Variants in PDLIM5 observed in about 807,000 individuals in gnomAD.
PDLIM5 encodes the protein PDZ and LIM domain protein 5.
A neutral mutation model predicts 64.2 loss-of-function variants in PDLIM5; 34 were observed. The observed-to-expected ratio is 0.53, with a 90% CI of 0.40 to 0.71. The LOEUF (loss-of-function observed/expected upper bound fraction) is 0.71, where lower values mean the gene tolerates loss of function less well. Ranked by LOEUF, PDLIM5 falls within the 30% of genes least tolerant of loss-of-function variation. The pLI is 0.00. For missense variants in PDLIM5, 683 were observed against 733.6 expected (o/e 0.93, Z 0.80); for synonymous variants, 253 against 269.1 (o/e 0.94, Z 0.59).
intron 7 of PDLIM5, among the ~76,000 whole-genome samples, chr4:94,596,649 GTT>G (rs1267915925): frequency 6.6e-6 from 1 of 151,632 alleles, no homozygotes; most frequent in Non-Finnish European, 1.5e-5. Flanking sequence ...TGCTATTCTA[GTT>G]TATGTATTTC....
chr4:94,540,042 T>A (rs1396775321), intron 3 of PDLIM5, among the ~76,000 whole-genome samples: 2 of 151,986 alleles, frequency 1.3e-5, no homozygotes, highest in Non-Finnish European at 2.9e-5. Flanking sequence ...ATAGAGCAGG[T>A]AATGTGTGTC....
chr4:94,481,329 C>G (rs531837385), intron 2 of PDLIM5, among the ~76,000 whole-genome samples: 1 of 144,652 alleles, frequency 6.9e-6, no homozygotes, highest in East Asian at 2.1e-4. Context: ...CTTGCTCTGT[C>G]GCTAGGCTGG....
intron 6 of PDLIM5, among the ~76,000 whole-genome samples, chr4:94,586,093 C>T (rs369638467): frequency 2.0e-5 from 3 of 152,012 alleles, no homozygotes; most frequent in African/African-American, 4.8e-5. Context: ...TCATTTGAAC[C>T]GGGGAGGCAG....
chr4:94,521,600 G>A (rs926833836), intron 2 of PDLIM5, among the ~76,000 whole-genome samples: 7 of 150,906 alleles, frequency 4.6e-5, no homozygotes, highest in Non-Finnish European at 1.0e-4. Flanking sequence ...TGAGATGATA[G>A]CCTCTCAAGA....
At chr4:94,637,486 G>A (rs535213688) in intron 8 of PDLIM5, among the ~76,000 whole-genome samples, 1 of 152,318 alleles carries the variant, frequency 6.6e-6, no homozygotes, top group Admixed American at 6.5e-5. Flanking sequence ...TTGAACCCTG[G>A]AGGTGGAGGT....
chr4:94,610,265 C>T (rs1260535629), intron 7 of PDLIM5: 15 of 1,516,890 alleles, frequency 9.9e-6, no homozygotes, highest in African/African-American at 2.8e-5. Context: ...CTGAGCAGCG[C>T]AGCTGCTACT....
chr4:94,588,576 TAAATA>T (rs1479708317), intron 7 of PDLIM5, among the ~76,000 whole-genome samples: 2 of 148,642 alleles, frequency 1.3e-5, no homozygotes, highest in East Asian at 4.0e-4. Context: ...AATAAATAAA[TAAATA>T]AATAAATAAA....
chr4:94,527,853 A>G (rs139679185), intron 3 of PDLIM5, among the ~76,000 whole-genome samples: 293 of 152,326 alleles, frequency 1.9e-3, no homozygotes, highest in Non-Finnish European at 3.4e-3. Context: ...GAAGAGGGCT[A>G]GGAGGTAGCT....
chr4:94,663,998 A>G lies in PDLIM5; in HGVS notation c.1722A>G (p.Glu574=). 1 of 1,605,394 alleles carries G rather than the reference A, an allele frequency of 6.2e-7. No homozygotes were observed. The highest frequency in any genetic ancestry group is 8.5e-7 in the Non-Finnish European group (1 of 1,173,828). The change falls in exon 13 of 13, where the codon GAA becomes GAG. Residue 574 remains glutamate (E), a synonymous_variant. Coordinates refer to ENST00000317968, the MANE Select transcript of PDLIM5 (RefSeq NM_006457.5). Reference sequence around the variant, plus strand: ...TTCAGGTGTGTTGTGAAAGTTTGGAAGGTCAGACCTTTTTCTCCAAGAAGG... The same window carrying G: ...TTCAGGTGTGTTGTGAAAGTTTGGAGGGTCAGACCTTTTTCTCCAAGAAGG... ...FVCSVCCESL[E]GQTFFSKKDK...
intron 2 of PDLIM5, among the ~76,000 whole-genome samples, chr4:94,474,766 C>G (rs1725177884): frequency 6.6e-6 from 1 of 152,202 alleles, no homozygotes; most frequent in African/African-American, 2.4e-5. Flanking sequence ...TCTCCCACCT[C>G]AGCCTCCCAG....
chr4:94,526,756 G>C, intron 3 of PDLIM5, among the ~76,000 whole-genome samples: 1 of 143,232 alleles, frequency 7.0e-6, no homozygotes, highest in African/African-American at 2.7e-5. Context: ...TTTTGAGACT[G>C]AATCTCGCTC....
chr4:94,480,638 T>TTC (rs1385837094), intron 2 of PDLIM5, among the ~76,000 whole-genome samples: 2 of 152,130 alleles, frequency 1.3e-5, no homozygotes, highest in Non-Finnish European at 2.9e-5. Context: ...TTAGGGAAGA[T>TTC]ACAGAAAGGG....
intron 8 of PDLIM5, among the ~76,000 whole-genome samples, chr4:94,633,414 ATT>A (rs374247357): frequency 6.6e-6 from 1 of 152,200 alleles, no homozygotes; most frequent in Non-Finnish European, 1.5e-5. Flanking sequence ...TATTATTTTT[ATT>A]TTTCTAAATG....
chr4:94,468,241 C>G (rs1724548047), intron 2 of PDLIM5, among the ~76,000 whole-genome samples: 1 of 152,106 alleles, frequency 6.6e-6, no homozygotes, highest in African/African-American at 2.4e-5. Flanking sequence ...CAGCCTTGAA[C>G]TCCTGGTCTC....
intron 2 of PDLIM5, among the ~76,000 whole-genome samples, chr4:94,516,622 C>G (rs1359250343): frequency 6.6e-6 from 1 of 152,098 alleles, no homozygotes; most frequent in Non-Finnish European, 1.5e-5. Flanking sequence ...CTCCTGGGCT[C>G]AGGTCGTCCT....
intron 2 of PDLIM5, among the ~76,000 whole-genome samples, chr4:94,476,326 T>C (rs1286254686): frequency 1.3e-5 from 2 of 152,160 alleles, no homozygotes; most frequent in Non-Finnish European, 2.9e-5. Context: ...TTGTTATATT[T>C]TAATTAAGAG....
chr4:94,541,978 T>C (rs1020653184), intron 3 of PDLIM5, among the ~76,000 whole-genome samples: 5 of 152,170 alleles, frequency 3.3e-5, no homozygotes, highest in African/African-American at 9.7e-5. Flanking sequence ...TTATCTACTG[T>C]TCTGAAAAAG....
At position 94,546,429 on chromosome 4, in the gene PDLIM5, A is replaced by G. The variant is rs988745051; in HGVS notation, c.248+22554A>G. ...AGAAGGTAAACTTATCTAGAGAAGCATATTAAGTAGTTTTTTTCTCCTCTT... is the reference window on the plus strand; with the variant it reads ...AGAAGGTAAACTTATCTAGAGAAGCGTATTAAGTAGTTTTTTTCTCCTCTT... On this transcript the variant is annotated intron_variant, in intron 3 of 12. Coordinates refer to ENST00000317968, the MANE Select transcript of PDLIM5 (RefSeq NM_006457.5). 2.0e-5 allele frequency among the ~76,000 whole-genome samples: 3 copies of G among 152,342 alleles called. No homozygotes were observed. The East Asian group carries it at 5.8e-4, about 29-fold the overall frequency.
At chr4:94,470,764 A>T (rs1724799474) in intron 2 of PDLIM5, among the ~76,000 whole-genome samples, 1 of 152,222 alleles carries the variant, frequency 6.6e-6, no homozygotes, top group Non-Finnish European at 1.5e-5. Flanking sequence ...AGTAGATAAT[A>T]ATGTCTACAT....
Sources: gnomAD v4.1 joint callset for allele counts (sites outside exome capture counted in the v4.1 genomes callset) on GRCh38, gnomAD v4.1.1 for gene constraint, MANE v1.5 for transcripts, NCBI Gene and HGNC (gene_info 2026-07-23, HGNC 2026-07-21) for gene names.